Variants in SPATA1 observed in about 807,000 individuals in gnomAD.
The protein encoded by SPATA1 is spermatogenesis associated 1.
In SPATA1, 57 loss-of-function variants were observed where a neutral mutation model predicts 59.6. The observed-to-expected ratio is 0.96, with a 90% CI of 0.77 to 1.19. SPATA1 has a LOEUF of 1.19. Among genes scored for constraint, SPATA1 ranks in the 50% most tolerant of loss-of-function variants. SPATA1 has a pLI of 0.00. For missense variants in SPATA1, 448 were observed against 480.7 expected, an observed-to-expected ratio of 0.93 and a Z score of 0.64; for synonymous variants, 147 against 163.9, an observed-to-expected ratio of 0.90 and a Z score of 0.79.
chr1:84,551,359 A>C (rs1360399736), intron 12 of SPATA1: 1 of 806,902 alleles, frequency 1.2e-6, no homozygotes, highest in African/African-American at 1.9e-5. Context: ...CCTCGGTTTC[A>C]GATAAAAATA....
intron 1 of SPATA1, among the ~76,000 whole-genome samples, chr1:84,514,328 A>C (rs1225855733): frequency 6.6e-6 from 1 of 152,202 alleles, no homozygotes; most frequent in Non-Finnish European, 1.5e-5. Context: ...TAAAATCCCA[A>C]ACATGGCTTC....
At chr1:84,543,523 G>GAGGAA (rs1683980638) in intron 8 of SPATA1, among the ~76,000 whole-genome samples, 2 of 152,026 alleles carry the variant, frequency 1.3e-5, no homozygotes, top group African/African-American at 4.8e-5. Context: ...GGAAGGAGTG[G>GAGGAA]GGGAGATGCC....
chr1:84,565,891 C>G (rs1408163093), exon 5 of SPATA1: 1 of 1,588,356 alleles, frequency 6.3e-7, no homozygotes, highest in Admixed American at 1.8e-5. Flanking sequence ...ACATTCTGAC[C>G]AGATCTGACT....
intron 8 of SPATA1, among the ~76,000 whole-genome samples, chr1:84,539,164 C>T (rs1683820728): frequency 1.3e-5 from 2 of 152,146 alleles, no homozygotes; most frequent in South Asian, 4.1e-4. Flanking sequence ...GATTGGAATG[C>T]TGAATGGAGT....
chr1:84,529,147 G>A (rs894677958), intron 6 of SPATA1, among the ~76,000 whole-genome samples: 4 of 151,898 alleles, frequency 2.6e-5, no homozygotes, highest in African/African-American at 9.7e-5. Flanking sequence ...TTTATTGTGA[G>A]GTTCAAAATT....
At chr1:84,532,076 A>C (rs1343360631) in intron 6 of SPATA1, among the ~76,000 whole-genome samples, 1 of 152,204 alleles carries the variant, frequency 6.6e-6, no homozygotes, top group Non-Finnish European at 1.5e-5. Flanking sequence ...AAATGAAGGG[A>C]GATTTTATCA....
chr1:84,533,810 A>G (rs957104483), intron 8 of SPATA1, 44 bp downstream of exon 8: 4 of 1,176,588 alleles, frequency 3.4e-6, no homozygotes, highest in Middle Eastern at 3.8e-4. Context: ...TTGCAACATC[A>G]TAATATTTTT....
intron 1 of SPATA1, among the ~76,000 whole-genome samples, chr1:84,508,620 A>C (rs1682390496): frequency 6.6e-6 from 1 of 152,244 alleles, no homozygotes; most frequent in Non-Finnish European, 1.5e-5. Flanking sequence ...TATTCAATTA[A>C]TTAGTACCCT....
chr1:84,553,351 C>A, exon 13 of SPATA1: 1 of 205,594 alleles, frequency 4.9e-6, no homozygotes. Context: ...TATTATTTTA[C>A]AGTGCTAATT....
chr1:84,526,713 C>T (rs1322846519), intron 6 of SPATA1, among the ~76,000 whole-genome samples: 1 of 151,374 alleles, frequency 6.6e-6, no homozygotes, highest in African/African-American at 2.4e-5. Context: ...CGAAAAAACA[C>T]AAAAGTTAGC....
intron 8 of SPATA1, among the ~76,000 whole-genome samples, chr1:84,535,515 G>A (rs1160105925): frequency 6.6e-6 from 1 of 152,028 alleles, no homozygotes; most frequent in Non-Finnish European, 1.5e-5. Flanking sequence ...TCTTTCAGCA[G>A]TGTCTGTGGT....
chr1:84,516,118 T>C, intron 1 of SPATA1, 105 bp from the exon 2 acceptor site: 1 of 402,098 alleles, frequency 2.5e-6, no homozygotes, highest in Non-Finnish European at 4.4e-6. Context: ...ACTAGTAATA[T>C]GTCCTTTTGA....
At chr1:84,532,789 A>G in intron 6 of SPATA1, 71 bp from the exon 7 acceptor site, 1 of 1,111,080 alleles carries the variant, frequency 9.0e-7, no homozygotes, top group Non-Finnish European at 1.3e-6. Context: ...ACATGTATAA[A>G]AACAAACGTT....
chr1:84,564,745 C>A (rs1684659947), intron 4 of SPATA1, among the ~76,000 whole-genome samples: 1 of 152,006 alleles, frequency 6.6e-6, no homozygotes, highest in Non-Finnish European at 1.5e-5. Context: ...AGTTATTTTT[C>A]AACTTTAAAT....
At chr1:84,557,533 C>CAAAA (rs56101174), downstream of SPATA1, among the ~76,000 whole-genome samples, 6 of 55,428 alleles carry the variant, frequency 1.1e-4, no homozygotes, top group Admixed American at 2.7e-4. Context: ...AACTCCATCT[C>CAAAA]AAAAAAAAAA....
In SPATA1 at chr1:84,531,100, G is replaced by A. The variant is rs149229636; in HGVS notation, c.545-1760G>A. ...TTTACTATTAGCTTTTACACAGCTGGTACGTCCATTTTTTATTCATTTTGC... is the reference window on the plus strand; with the variant it reads ...TTTACTATTAGCTTTTACACAGCTGATACGTCCATTTTTTATTCATTTTGC... On this transcript the variant is annotated intron_variant, in intron 6 of 12. Transcript: ENST00000490879. 1.7e-3 allele frequency among the ~76,000 whole-genome samples: 252 copies of A among 152,226 alleles called. 1 individual carries two copies. Among genetic ancestry groups the A allele is most frequent in the African/African-American group, 5.9e-3 (247 of 41,522 alleles).
Position 84,516,217 on chromosome 1 carries a change from A to C in SPATA1, c.-137-6A>C. 1.6e-6 allele frequency: 1 copy of C among 623,652 alleles called. No homozygotes were observed. The highest frequency in any genetic ancestry group is 2.6e-6 in the Non-Finnish European group (1 of 382,896). 38.6% of individuals were successfully genotyped at this position (623,652 alleles called of 1,614,324 possible). A position where few individuals can be genotyped will look rare whatever the true frequency, so the allele number is the denominator to read the frequency against. On this transcript the variant is annotated splice_region_variant and splice_polypyrimidine_tract_variant and intron_variant, in intron 1 of 12. Coordinates refer to ENST00000490879, the Ensembl canonical transcript of SPATA1. ...TGTTTTCCTTTTTATTTCTTGAACA[A>C]ATCAGAGACCAGAAATGAGTGGAAT...
chr1:84,528,448 A>C (rs1683322653), intron 6 of SPATA1, among the ~76,000 whole-genome samples: 2 of 152,296 alleles, frequency 1.3e-5, no homozygotes, highest in East Asian at 3.9e-4. Flanking sequence ...ATCCCTGATA[A>C]TATAGTTTAG....
chr1:84,556,091 C>A (rs529240552), downstream of SPATA1: 2 of 152,196 alleles, frequency 1.3e-5, no homozygotes, highest in East Asian at 3.9e-4. Context: ...TGATTATGAG[C>A]CATAAATTAG....
Sources: allele counts gnomAD v4.1 joint callset (sites outside exome capture counted in the v4.1 genomes callset), GRCh38; gene constraint gnomAD v4.1.1; transcripts MANE v1.5; gene names NCBI Gene and HGNC (gene_info 2026-07-23, HGNC 2026-07-21).